The following GRIK4 variants were observed in gnomAD, a reference collection of about 807,000 sequenced individuals.
GRIK4 encodes glutamate ionotropic receptor kainate type subunit 4.
In GRIK4, 40 loss-of-function variants were observed where a neutral mutation model predicts 104.9. The observed-to-expected ratio is 0.38, with a 90% CI of 0.30 to 0.50. The LOEUF is 0.50. Ranked by LOEUF, GRIK4 falls within the 20% of genes least tolerant of loss-of-function variation. GRIK4 has a pLI of 0.93. For synonymous variants in GRIK4, 485 were observed against 524.9 expected (o/e 0.92, Z 1.04); for missense variants, 1,047 against 1,308.1 (o/e 0.80, Z 3.08).
At chr11:120,890,770 C>G (rs1955265942) in intron 11 of GRIK4, among the ~76,000 whole-genome samples, 1 of 152,144 alleles carries the variant, frequency 6.6e-6, no homozygotes, top group African/African-American at 2.4e-5. Flanking sequence ...TGTGCAGAAT[C>G]AAGGAGATTT....
chr11:120,595,591 A>G (rs1162305681), intron 1 of GRIK4, among the ~76,000 whole-genome samples: 3 of 152,056 alleles, frequency 2.0e-5, no homozygotes, highest in Non-Finnish European at 2.9e-5. Context: ...CACAGTTTCT[A>G]CTTTAGCCAC....
intron 3 of GRIK4, among the ~76,000 whole-genome samples, chr11:120,792,517 A>G (rs560214598): frequency 6.6e-6 from 1 of 152,192 alleles, no homozygotes; most frequent in East Asian, 1.9e-4. Context: ...GGAAAACCAG[A>G]TAAGAGTTAA....
At chr11:120,601,235 A>T (rs182705198) in intron 1 of GRIK4, among the ~76,000 whole-genome samples, 231 of 152,104 alleles carry the variant, frequency 1.5e-3, no homozygotes, top group Middle Eastern at 3.4e-3. Flanking sequence ...GTGAAACCTC[A>T]TCTCTAGTAA....
intron 1 of GRIK4, among the ~76,000 whole-genome samples, chr11:120,523,421 T>C (rs1157935611): frequency 1.3e-5 from 2 of 151,536 alleles, no homozygotes; most frequent in African/African-American, 4.9e-5. Flanking sequence ...GGGAGGGAAG[T>C]GGGAGGGGGT....
chr11:120,552,710 A>G (rs1258689733), intron 1 of GRIK4, among the ~76,000 whole-genome samples: 1 of 152,100 alleles, frequency 6.6e-6, no homozygotes, highest in Non-Finnish European at 1.5e-5. Flanking sequence ...AGTAAAAAAG[A>G]AGGGAGAGGC....
rs574313890 is a variant in GRIK4 at position 120,533,107 on chromosome 11, G to T, written c.-159+21220G>T. On this transcript the variant is annotated intron_variant, in intron 1 of 20. Coordinates refer to ENST00000527524, the MANE Select transcript of GRIK4 (RefSeq NM_014619.5). ...AAAATCAGATGTGGCAGCATGGAAG[G>T]CTTCCTGGAGGAGGAGTAACCTGCA... 5.9e-5 allele frequency among the ~76,000 whole-genome samples: 9 copies of T among 152,272 alleles called. No homozygotes were observed. The South Asian group carries it at 1.0e-3, about 18-fold the overall frequency.
chr11:120,830,784 TG>T (rs1351228997), intron 6 of GRIK4, among the ~76,000 whole-genome samples: 2 of 152,182 alleles, frequency 1.3e-5, no homozygotes, highest in African/African-American at 4.8e-5. Context: ...CCCTTATCAT[TG>T]CTTTTGGGAG....
intron 3 of GRIK4, among the ~76,000 whole-genome samples, chr11:120,769,791 T>A (rs1951907312): frequency 1.3e-5 from 2 of 152,128 alleles, no homozygotes; most frequent in African/African-American, 4.8e-5. Context: ...AACAGCTTGG[T>A]GTTTTTGAGG....
In GRIK4 at chr11:120,956,666, G is replaced by A. The variant is rs946289189; in HGVS notation, c.1701-114G>A. On this transcript the variant is annotated intron_variant, in intron 15 of 20. Coordinates refer to ENST00000527524, the MANE Select transcript of GRIK4 (RefSeq NM_014619.5). The surrounding 1 kb of genome is among the most constrained non-coding windows in gnomAD (Gnocchi z 4.6). The stretch of plus-strand genomic sequence containing the variant: ...AACTCCAAGTCCAGCAAAGGGAAGT[G>A]GCTTGCCCAAGGCCACAGGCCGGTC... 1.7e-6 allele frequency: 1 copy of A among 598,432 alleles called. No homozygotes were observed. The highest frequency in any genetic ancestry group is 1.9e-5 in the African/African-American group (1 of 53,320). The allele number at this position is 598,432 out of a possible 1,614,324, so 37.1% of individuals were successfully genotyped here. A position where few individuals can be genotyped will look rare whatever the true frequency, so the allele number is the denominator to read the frequency against.
chr11:120,658,811 C>T (rs112234504), intron 2 of GRIK4, among the ~76,000 whole-genome samples: 23,783 of 131,422 alleles, frequency 0.18, 4,521 homozygotes, highest in African/African-American at 0.49. Flanking sequence ...TGCAGTGGCA[C>T]GATCTCGGCT....
chr11:120,675,557 T>C (rs959164906), intron 3 of GRIK4, among the ~76,000 whole-genome samples: 2 of 152,166 alleles, frequency 1.3e-5, no homozygotes, highest in Non-Finnish European at 2.9e-5. Context: ...ATAAGAAATA[T>C]TAGTTTCTAT....
At chr11:120,849,146 A>G (rs1239335335) in intron 8 of GRIK4, among the ~76,000 whole-genome samples, 1 of 152,076 alleles carries the variant, frequency 6.6e-6, no homozygotes, top group Non-Finnish European at 1.5e-5. Context: ...CATTGCTTGT[A>G]TCTGCCCCCA....
Position 120,832,018 on chromosome 11 carries a change from C to A in GRIK4, c.678C>A (p.Thr226=). 6.2e-7 allele frequency: 1 copy of A among 1,611,200 alleles called. No homozygotes were observed. The highest frequency in any genetic ancestry group is 8.5e-7 in the Non-Finnish European group (1 of 1,178,174). The change falls in exon 7 of 21, where the codon ACC becomes ACA. Residue 226 remains threonine (T), a synonymous_variant. Transcript: ENST00000527524. ...ACGCCAACGCCTCCATGTCCCACAC[C>A]ATCCTCCTGAAGGTGGGAGCCTCCC... The part of the protein sequence containing the change: ...IIHANASMSH[T]ILLKAAELGM...
chr11:120,605,352 GC>G (rs1423556483), intron 1 of GRIK4, among the ~76,000 whole-genome samples: 1 of 152,198 alleles, frequency 6.6e-6, no homozygotes, highest in African/African-American at 2.4e-5. Flanking sequence ...CCAGTCTCCT[GC>G]CCTCTCCAAG....
intron 1 of GRIK4, among the ~76,000 whole-genome samples, chr11:120,594,409 T>C (rs1948774167): frequency 6.6e-6 from 1 of 152,190 alleles, no homozygotes; most frequent in African/African-American, 2.4e-5. Context: ...CCTGGGAGGT[T>C]GAGGCTGCAG....
chr11:120,633,889 G>A (rs577313211), intron 1 of GRIK4, among the ~76,000 whole-genome samples: 1 of 152,176 alleles, frequency 6.6e-6, no homozygotes, highest in Non-Finnish European at 1.5e-5. Context: ...TGTGAAAGAC[G>A]ATTGCAAACC....
intron 3 of GRIK4, among the ~76,000 whole-genome samples, chr11:120,696,864 A>G (rs1057327317): frequency 1.3e-5 from 2 of 152,212 alleles, no homozygotes; most frequent in Non-Finnish European, 2.9e-5. Flanking sequence ...TTAGGCTGTC[A>G]GAGCCCAGAA....
chr11:120,810,983 T>C (rs1440425371), intron 4 of GRIK4, among the ~76,000 whole-genome samples: 1 of 151,912 alleles, frequency 6.6e-6, no homozygotes, highest in Non-Finnish European at 1.5e-5. Context: ...ATGATGTAAT[T>C]CCCCCCACAA....
At chr11:120,960,256 GA>G (rs1323825751) in intron 16 of GRIK4, among the ~76,000 whole-genome samples, 1 of 152,140 alleles carries the variant, frequency 6.6e-6, no homozygotes, top group African/African-American at 2.4e-5. Flanking sequence ...TTGAATCCAC[GA>G]GGTGGAGGTT....
Sources: allele counts gnomAD v4.1 joint callset (sites outside exome capture counted in the v4.1 genomes callset), GRCh38; gene constraint gnomAD v4.1.1; non-coding constraint Gnocchi (gnomAD v3.1); transcripts MANE v1.5; gene names NCBI Gene and HGNC (gene_info 2026-07-23, HGNC 2026-07-21).